Variants in CAPN9 observed in about 807,000 individuals in gnomAD.
The protein encoded by CAPN9 is calpain 9, also known as calpain-9.
In CAPN9, 81 loss-of-function variants were observed where a neutral mutation model predicts 92.8. The observed-to-expected ratio is 0.87, with a 90% CI of 0.73 to 1.05. The LOEUF (loss-of-function observed/expected upper bound fraction) is 1.05, where lower values mean the gene tolerates loss of function less well. CAPN9 is among the 50% of genes least tolerant of loss of function. The pLI, the probability that CAPN9 is intolerant of heterozygous loss-of-function variation, is 0.00. For missense variants in CAPN9, 848 were observed against 866.2 expected (o/e 0.98, Z 0.26); for synonymous variants, 304 against 328.0 (o/e 0.93, Z 0.79).
chr1:230,798,413 G>A (rs1013919411), intron 19 of CAPN9, among the ~76,000 whole-genome samples, 193 bp downstream of exon 19: 3 of 152,354 alleles, frequency 2.0e-5, no homozygotes, highest in African/African-American at 7.2e-5. Flanking sequence ...CAATAATTCT[G>A]TGAGCTAAGT....
chr1:230,747,822 G>A (rs1664521601), intron 1 of CAPN9, 113 bp downstream of exon 1: 2 of 876,238 alleles, frequency 2.3e-6, no homozygotes, highest in Non-Finnish European at 3.7e-6. Flanking sequence ...GTGCAACTGA[G>A]GTGCATCATC....
rs372693501 is a variant in CAPN9, at chr1:230,796,961, T to C, written c.1988-1201T>C. 1.1e-3 allele frequency among the ~76,000 whole-genome samples: 160 copies of C among 152,312 alleles called. 1 individual carries two copies. Among genetic ancestry groups the C allele is most frequent in the African/African-American group, 3.5e-3 (144 of 41,558 alleles). ...TACCAAGGATGGAGCTTTGCTGCAG[T>C]ATTATTTTAACTTTTTATTGTAAGA... On this transcript the variant is annotated intron_variant, in intron 18 of 19. Transcript: ENST00000271971.
rs1373853928 is a variant in CAPN9 at position 230,780,722 on chromosome 1, A to G, written c.1481+14A>G. The G allele has an allele frequency of 5.0e-6, 8 of 1,608,410 alleles. No individual in the cohort carries two copies. Among genetic ancestry groups the G allele is most frequent in the African/African-American group, 1.3e-5 (1 of 74,796 alleles). On this transcript the variant is annotated intron_variant, in intron 11 of 19. Coordinates refer to ENST00000271971, the MANE Select transcript of CAPN9 (RefSeq NM_006615.3). ...AGCCATTACCCGGTGAGTCAGAGGAACAGCTTCCAGAATCCCACTTCTTTT... is the reference window on the plus strand; with the variant it reads ...AGCCATTACCCGGTGAGTCAGAGGAGCAGCTTCCAGAATCCCACTTCTTTT...
In CAPN9 at chr1:230,759,690, GCATTTCCACA is replaced by G. The variant is rs28359611; in HGVS notation, c.402+62_402+71del. On this transcript the variant is annotated intron_variant, in intron 3 of 19. Coordinates refer to ENST00000271971, the MANE Select transcript of CAPN9 (RefSeq NM_006615.3). ...TCTGGGGCCCGGCATGAGGGCAGGT[GCATTTCCACA>G]CTGCCTGGTAACCCTAGAAAAAAAT... The G allele has an allele frequency of 9.9e-3, 10,506 of 1,055,928 alleles. 652 individuals carry two copies. The African/African-American group carries it at 0.14, about 14-fold the overall frequency. 65.4% of individuals were successfully genotyped at this position (1,055,928 alleles called of 1,614,324 possible). A position where few individuals can be genotyped will look rare whatever the true frequency, so the allele number is the denominator to read the frequency against.
chr1:230,767,500 A>G (rs2102863634), intron 4 of CAPN9, 41 bp from the exon 5 acceptor site: 2 of 1,548,546 alleles, frequency 1.3e-6, no homozygotes, highest in South Asian at 1.2e-5. Context: ...TGGCCTCCCT[A>G]GGTCCCTGAC....
At chr1:230,783,409 T>C (rs868795834) in intron 11 of CAPN9, among the ~76,000 whole-genome samples, 41 of 152,140 alleles carry the variant, frequency 2.7e-4, no homozygotes, top group African/African-American at 9.4e-4. Flanking sequence ...TGGTGGGAGA[T>C]GTTTGGGTCA....
intron 5 of CAPN9, 92 bp from the exon 6 acceptor site, chr1:230,769,088 T>A (rs1011280008): frequency 1.0e-6 from 1 of 984,176 alleles, no homozygotes; most frequent in Non-Finnish European, 1.6e-6. Context: ...GGGCTGGAGG[T>A]TGTGACCGGG....
intron 3 of CAPN9, among the ~76,000 whole-genome samples, chr1:230,760,679 C>T (rs1367899116): frequency 1.3e-5 from 2 of 152,254 alleles, no homozygotes; most frequent in East Asian, 3.9e-4. Flanking sequence ...CCCCTGCTCT[C>T]TCACAGACCT....
chr1:230,765,639 A>G (rs940015891), intron 4 of CAPN9, among the ~76,000 whole-genome samples: 3 of 152,208 alleles, frequency 2.0e-5, no homozygotes, highest in Non-Finnish European at 4.4e-5. Flanking sequence ...AGCCTGGGCA[A>G]CAGAGCAAGA....
At position 230,792,935 on chromosome 1, in the gene CAPN9, A is replaced by C; in HGVS notation, c.1870+7A>C. 2 of 1,608,822 alleles carry C rather than the reference A, an allele frequency of 1.2e-6. No homozygotes were observed. The highest frequency in any genetic ancestry group is 1.7e-6 in the Non-Finnish European group (2 of 1,175,386). On this transcript the variant is annotated splice_region_variant and intron_variant, in intron 17 of 19. Coordinates refer to ENST00000271971, the MANE Select transcript of CAPN9 (RefSeq NM_006615.3). ...ACTGCACTGAAAGCTGCAGGTAAAG[A>C]AAAGACTGGAGTACAGGTGGCTGAC... is the stretch of plus-strand genomic sequence containing the variant.
At chr1:230,779,379 A>G (rs1171717636) in intron 9 of CAPN9, among the ~76,000 whole-genome samples, 14 of 152,176 alleles carry the variant, frequency 9.2e-5, no homozygotes, top group African/African-American at 2.4e-5. Flanking sequence ...CAGTTTAGCA[A>G]TAGAAAGGAT....
chr1:230,757,104 A>G (rs1558085173), intron 2 of CAPN9, among the ~76,000 whole-genome samples: 1 of 152,046 alleles, frequency 6.6e-6, no homozygotes, highest in Non-Finnish European at 1.5e-5. Flanking sequence ...TGAAACCCGC[A>G]TATACAGAGG....
chr1:230,760,430 G>A (rs933092345), intron 3 of CAPN9, among the ~76,000 whole-genome samples: 1 of 152,154 alleles, frequency 6.6e-6, no homozygotes, highest in African/African-American at 2.4e-5. Flanking sequence ...ACCCCAGACA[G>A]TGTCACCTTC....
chr1:230,770,283 C>T (rs922283113), intron 6 of CAPN9, among the ~76,000 whole-genome samples: 7 of 152,282 alleles, frequency 4.6e-5, no homozygotes, highest in South Asian at 2.1e-4. Flanking sequence ...GCAGGAGAGA[C>T]GGATGTCCCA....
At chr1:230,797,885 G>A (rs988401656) in intron 18 of CAPN9, among the ~76,000 whole-genome samples, 1 of 152,156 alleles carries the variant, frequency 6.6e-6, no homozygotes, top group African/African-American at 2.4e-5. Context: ...GTTAAGATAG[G>A]GGCGTTGCTT....
At chr1:230,753,898 C>T (rs1441297974) in intron 1 of CAPN9, among the ~76,000 whole-genome samples, 46 of 150,240 alleles carry the variant, frequency 3.1e-4, no homozygotes, top group Admixed American at 2.6e-3. Flanking sequence ...CTGCTTCCCC[C>T]AGAGACGCCT....
chr1:230,763,688 GATGGTCTTGCTTCT>G (rs1665787890), intron 4 of CAPN9, among the ~76,000 whole-genome samples: 1 of 152,198 alleles, frequency 6.6e-6, no homozygotes, highest in South Asian at 2.1e-4. Flanking sequence ...CAGAAGCAAG[GATGGTCTTGCTTCT>G]ACCTCCAAGT....
intron 3 of CAPN9, 147 bp downstream of exon 3, chr1:230,759,777 T>G (rs1409523714): frequency 4.0e-6 from 2 of 494,518 alleles, no homozygotes; most frequent in Non-Finnish European, 3.6e-6. Flanking sequence ...AGCCACATTT[T>G]ATCATGGAAT....
chr1:230,747,442 T>C lies in CAPN9; in HGVS notation c.-55T>C. The stretch of plus-strand genomic sequence containing the variant: ...TTGACCGGCACACACAGCTCGCTTC[T>C]TCACTTTCTTTTCCATCCACTGCCG... On this transcript the variant is annotated 5_prime_UTR_variant, in exon 1 of 20. Transcript: ENST00000271971. The C allele has an allele frequency of 1.3e-6, 2 of 1,484,778 alleles. No homozygotes were observed. The highest frequency in any genetic ancestry group is 2.3e-5 in the South Asian group (2 of 88,256). 92.0% of individuals were successfully genotyped at this position (1,484,778 alleles called of 1,614,324 possible).
Sources: gnomAD v4.1 joint callset for allele counts (sites outside exome capture counted in the v4.1 genomes callset) on GRCh38, gnomAD v4.1.1 for gene constraint, MANE v1.5 for transcripts, NCBI Gene and HGNC (gene_info 2026-07-23, HGNC 2026-07-21) for gene names.